LAMA3: variants seen among roughly 807,000 people sequenced by gnomAD.
LAMA3 encodes the protein laminin subunit alpha-3.
LAMA3 carries 281 observed loss-of-function variants against 402.0 expected under a neutral mutation model. That is an observed-to-expected ratio of 0.70 (90% CI 0.63 to 0.77). LAMA3 has a LOEUF of 0.77. Among genes scored for constraint, LAMA3 ranks in the 30% least tolerant of loss-of-function variants. The pLI is 0.00. For missense variants in LAMA3, 3,840 were observed against 4,215.5 expected (o/e 0.91, Z 2.47); for synonymous variants, 1,431 against 1,558.4 (o/e 0.92, Z 1.93).
At chr18:23,713,851 A>T in intron 1 of LAMA3, 69 bp from the exon 2 acceptor site, 2 of 1,459,460 alleles carry the variant, frequency 1.4e-6, no homozygotes, top group Non-Finnish European at 1.9e-6. Flanking sequence ...TATATGGATA[A>T]GAAAAAATTA....
At chr18:23,899,624 G>C (rs2081000551) in intron 47 of LAMA3, 169 bp downstream of exon 47, 1 of 675,642 alleles carries the variant, frequency 1.5e-6, no homozygotes. Context: ...AGGAGTCCCA[G>C]GTTACCAACG....
At chr18:23,892,364 G>A (rs1424224476) in intron 42 of LAMA3, among the ~76,000 whole-genome samples, 2 of 151,962 alleles carry the variant, frequency 1.3e-5, no homozygotes, top group African/African-American at 4.8e-5. Context: ...TCCTGTTAGA[G>A]TTTTGTTGTT....
intron 2 of LAMA3, among the ~76,000 whole-genome samples, chr18:23,718,036 GC>G: frequency 6.6e-6 from 1 of 152,082 alleles, no homozygotes; most frequent in East Asian, 1.9e-4. Context: ...CTTTCAGGAA[GC>G]TTTTGTATCA....
rs750239532 is a variant in LAMA3, at chr18:23,777,591, A to G, written c.1440A>G (p.Ser480=). 6 of 1,612,332 alleles carry G rather than the reference A, an allele frequency of 3.7e-6. No individual in the cohort carries two copies. In the South Asian group the frequency reaches 5.5e-5, roughly 15 times the overall value. The change falls in exon 11 of 75, where the codon TCA becomes TCG. Residue 480 remains serine, a synonymous_variant. Coordinates refer to ENST00000313654, the MANE Select transcript of LAMA3 (RefSeq NM_198129.4). ...IPIFPVSTPS[S]EDPVAGDIKG... ...TTTTTCCTGTTTCTACACCAAGTTC[A>G]GAAGATCCAGTAGCTGGAGATATAA...
Position 23,903,065 on chromosome 18 carries a change from T to C in LAMA3, c.6258T>C (p.Thr2086=), listed in dbSNP as rs777388371. 3 of 1,613,530 alleles carry C rather than the reference T, an allele frequency of 1.9e-6. No individual in the cohort carries two copies. The highest frequency in any genetic ancestry group is 1.1e-5 in the South Asian group (1 of 91,074). Residue 2086 remains threonine (T), a synonymous_variant, in exon 49 of 75, where the codon ACT becomes ACC. Transcript: ENST00000313654. ...GTGATTTCACCAAGTATCTAACCAC[T>C]GCAGACTCATCTTTGTTGCAAACCA... ...LQSDFTKYLT[T]ADSSLLQTNI...
intron 73 of LAMA3, among the ~76,000 whole-genome samples, chr18:23,952,205 A>T (rs1484543680): frequency 6.6e-6 from 1 of 152,198 alleles, no homozygotes; most frequent in African/African-American, 2.4e-5. Flanking sequence ...AAATAAAAAT[A>T]GGGTATGGCT....
intron 56 of LAMA3, 66 bp downstream of exon 56, chr18:23,912,947 A>C: frequency 1.4e-6 from 2 of 1,431,382 alleles, no homozygotes; most frequent in Non-Finnish European, 9.8e-7. Flanking sequence ...TGCTTTTGAG[A>C]TGTGTGGCAC....
intron 2 of LAMA3, among the ~76,000 whole-genome samples, chr18:23,719,894 A>G (rs750497357): frequency 7.9e-5 from 12 of 152,192 alleles, no homozygotes; most frequent in Non-Finnish European, 1.5e-4. Context: ...ACACAGCCCA[A>G]TCCAGAAGGT....
chr18:23,775,889 T>C lies in LAMA3; in HGVS notation c.1371T>C (p.Cys457=), dbSNP rs2062306860. The C allele has an allele frequency of 1.9e-6, 3 of 1,614,112 alleles. No homozygotes were observed. The South Asian group carries it at 3.3e-5, about 18-fold the overall frequency. ...TCCACGGAGACAACTGTGAGAAGTG[T>C]GCAATTGGATACTACAATTTCCCAT... ...PNFHGDNCEK[C]AIGYYNFPFC... Residue 457 remains cysteine (C), a synonymous_variant, in exon 10 of 75, where the codon TGT becomes TGC. Coordinates refer to ENST00000313654, the MANE Select transcript of LAMA3 (RefSeq NM_198129.4).
chr18:23,873,677 AAAC>A (rs2064608940), intron 38 of LAMA3, among the ~76,000 whole-genome samples: 1 of 152,228 alleles, frequency 6.6e-6, no homozygotes. Flanking sequence ...GCCAGGCATG[AAAC>A]ATTAAGAAAT....
chr18:23,908,582 A>C (rs1414877467), intron 54 of LAMA3, among the ~76,000 whole-genome samples: 2 of 151,534 alleles, frequency 1.3e-5, no homozygotes, highest in East Asian at 3.9e-4. Flanking sequence ...GAATCAGAAA[A>C]CAAAGGTTTT....
At chr18:23,756,455 C>T (rs1447907395) in intron 6 of LAMA3, among the ~76,000 whole-genome samples, 2 of 149,116 alleles carry the variant, frequency 1.3e-5, no homozygotes, top group Non-Finnish European at 3.0e-5. Context: ...CCCGCCCCCA[C>T]CCCCCCGCCA....
At position 23,946,208 on chromosome 18, in the gene LAMA3, G is replaced by A. The variant is rs1383006206; in HGVS notation, c.9275G>A (p.Gly3092Glu). 6.2e-7 allele frequency: 1 copy of A among 1,614,138 alleles called. No homozygotes were observed. The highest frequency in any genetic ancestry group is 1.1e-5 in the South Asian group (1 of 91,080). Residue 3092 changes from glycine to glutamate, a missense_variant, in exon 70 of 75, where the codon GGA (glycine) becomes GAA (glutamate). This residue lies in a region of LAMA3 where 840 missense variants were observed against 981.9 expected (regional missense o/e 0.86). Coordinates refer to ENST00000313654, the MANE Select transcript of LAMA3 (RefSeq NM_198129.4). ...LVVDGLRARE[G>E]SLPGNSTISI... ...GTGGATGGACTGAGGGCCCGGGAGG[G>A]AAGTTTGCCTGGAAACTCCACCATC...
chr18:23,797,786 G>A (rs77740223), intron 12 of LAMA3, among the ~76,000 whole-genome samples: 4,475 of 151,772 alleles, frequency 0.029, 212 homozygotes, highest in African/African-American at 0.1. Context: ...TTTGCCAACT[G>A]TAGTCCTGGA....
At chr18:23,855,217 C>T (rs540464082) in intron 32 of LAMA3, among the ~76,000 whole-genome samples, 44 of 152,332 alleles carry the variant, frequency 2.9e-4, no homozygotes, top group African/African-American at 8.4e-4. Flanking sequence ...CTAAAAGAAA[C>T]GTTCAGACCT....
chr18:23,878,210 GT>G (rs934883621), intron 39 of LAMA3, among the ~76,000 whole-genome samples: 3 of 152,172 alleles, frequency 2.0e-5, no homozygotes, highest in Admixed American at 6.5e-5. Context: ...CAAAGGGAGG[GT>G]TTTTTTCTGT....
chr18:23,925,986 C>T (rs1238614015), intron 62 of LAMA3, among the ~76,000 whole-genome samples: 1 of 152,188 alleles, frequency 6.6e-6, no homozygotes, highest in East Asian at 1.9e-4. Flanking sequence ...TTAGGCAAGG[C>T]CTTAACCTCT....
chr18:23,906,591 T>C (rs1053019159), intron 52 of LAMA3, among the ~76,000 whole-genome samples: 1 of 152,218 alleles, frequency 6.6e-6, no homozygotes, highest in Non-Finnish European at 1.5e-5. Flanking sequence ...AAATGATGCC[T>C]CTGTAAATTA....
Position 23,932,173 on chromosome 18 carries a change from A to G in LAMA3, c.8590A>G (p.Ile2864Val). The G allele has an allele frequency of 6.2e-7, 1 of 1,614,046 alleles. No homozygotes were observed. The highest frequency in any genetic ancestry group is 1.1e-5 in the South Asian group (1 of 91,080). Reference protein sequence around the residue: ...ISDNSGLRLLIDDQLLRNSKR... With the variant: ...ISDNSGLRLLVDDQLLRNSKR... ...CTTCCCTTTCAGACTACGGCTTCTC[A>G]TCGATGACCAGCTTCTGAGAAATAG... The change falls in exon 66 of 75, where the codon ATC becomes GTC. Residue 2864 changes from isoleucine to valine, a missense_variant. This residue lies in a region of LAMA3 where 840 missense variants were observed against 981.9 expected (regional missense o/e 0.86). Transcript: ENST00000313654.
Sources: gnomAD v4.1 joint callset for allele counts (sites outside exome capture counted in the v4.1 genomes callset) on GRCh38, gnomAD v4.1.1 for gene constraint, gnomAD v4.1.1 regional missense constraint, MANE v1.5 for transcripts, NCBI Gene and HGNC (gene_info 2026-07-23, HGNC 2026-07-21) for gene names.